The following PGF variants were observed in gnomAD, a reference collection of about 807,000 sequenced individuals.
PGF encodes placental growth factor.
In PGF, 11 loss-of-function variants were observed where a neutral mutation model predicts 25.3. The ratio of observed to expected loss-of-function variants is 0.43; its 90% confidence interval spans 0.27 to 0.72. The LOEUF is 0.72. PGF is among the 30% of genes least tolerant of loss of function. PGF has a pLI of 0.18. For synonymous variants in PGF, 105 were observed against 97.9 expected, an observed-to-expected ratio of 1.07 and a Z score of -0.43; for missense variants, 230 against 234.9, an observed-to-expected ratio of 0.98 and a Z score of 0.14.
rs953740209 is a variant in PGF, at chr14:74,955,175, G to A, written c.68C>T (p.Pro23Leu). Reference protein sequence around the residue: ...LLAGLALPAVPPQQWALSAGN... With the variant: ...LLAGLALPAVLPQQWALSAGN... ...GGTGGGGGTAGCTCTTACCTGGGGG[G>A]GCACAGCAGGCAGCGCCAGCCCGGC... The change falls in exon 1 of 7, where the codon CCC becomes CTC. Residue 23 changes from proline (P) to leucine (L), a missense_variant. By Grantham distance (98) the Pro-to-Leu change is moderately conservative. Coordinates refer to ENST00000555567, the MANE Select transcript of PGF (RefSeq NM_002632.6). This position sits in a 1 kb window ranked among gnomAD's most constrained non-coding sequence, Gnocchi z 4.1. 10 of 1,473,658 alleles carry A rather than the reference G, an allele frequency of 6.8e-6. No homozygotes were observed. The highest frequency in any genetic ancestry group is 8.2e-6 in the Non-Finnish European group (9 of 1,102,944). The allele number at this position is 1,473,658 out of a possible 1,614,324, so 91.3% of individuals were successfully genotyped here.
chr14:74,948,400 G>A (rs935875583), intron 4 of PGF, 107 bp downstream of exon 4: 19 of 610,458 alleles, frequency 3.1e-5, no homozygotes, highest in African/African-American at 7.6e-5. Context: ...AGTTCAGCCC[G>A]CAGCGGGGAT....
Position 74,942,701 on chromosome 14 carries a change from G to A in PGF, c.*5C>T. 4 of 1,612,420 alleles carry A rather than the reference G, an allele frequency of 2.5e-6. No homozygotes were observed. Among genetic ancestry groups the A allele is most frequent in the Non-Finnish European group, 2.5e-6 (3 of 1,179,288 alleles). On this transcript the variant is annotated 3_prime_UTR_variant, in exon 7 of 7. Coordinates refer to ENST00000555567, the MANE Select transcript of PGF (RefSeq NM_002632.6). ...GTGCGGGGTCTCTCTCCTCCAAGGG[G>A]TGGGTTACCTCCGGGGAACAGCATC...
rs968507009 is a variant in PGF, at chr14:74,953,512, C to A, written c.118+392G>T. Reference sequence around the variant, plus strand: ...TGGGCTGCTGGGGAGGGCCCCTCACCCATTCCTGATCCTCTTGACTGCCCA... The same window carrying A: ...TGGGCTGCTGGGGAGGGCCCCTCACACATTCCTGATCCTCTTGACTGCCCA... On this transcript the variant is annotated intron_variant, in intron 2 of 6. Transcript: ENST00000555567. The surrounding 1 kb of genome is among the most constrained non-coding windows in gnomAD (Gnocchi z 5.4). 6.6e-6 allele frequency among the ~76,000 whole-genome samples: 1 copy of A among 152,144 alleles called. No individual in the cohort carries two copies. The highest frequency in any genetic ancestry group is 1.5e-5 in the Non-Finnish European group (1 of 68,024).
rs61759386 is a variant in PGF, at chr14:74,946,426, G to C, written c.393-18C>G. 6.3e-7 allele frequency: 1 copy of C among 1,598,514 alleles called. No individual in the cohort carries two copies. Among genetic ancestry groups the C allele is most frequent in the Non-Finnish European group, 8.5e-7 (1 of 1,171,218 alleles). On this transcript the variant is annotated intron_variant, in intron 4 of 6. Transcript: ENST00000555567. ...GCAGAGGCCTAGGGAAACAGACAGAGAGAGGGGCAGAGGAACGTTAGGAAA... is the reference window on the plus strand; with the variant it reads ...GCAGAGGCCTAGGGAAACAGACAGACAGAGGGGCAGAGGAACGTTAGGAAA...
In PGF at chr14:74,953,998, C is replaced by G. The variant is rs1366560326; in HGVS notation, c.76-52G>C. 2 of 1,588,056 alleles carry G rather than the reference C, an allele frequency of 1.3e-6. No individual in the cohort carries two copies. Among genetic ancestry groups the G allele is most frequent in the Non-Finnish European group, 8.6e-7 (1 of 1,157,598 alleles). ...GCTGGGGGTACCTTGGAGCTCTGCACTCTTGGGCCAAGTGTGATGGCAAGA... is the reference window on the plus strand; with the variant it reads ...GCTGGGGGTACCTTGGAGCTCTGCAGTCTTGGGCCAAGTGTGATGGCAAGA... On this transcript the variant is annotated intron_variant, in intron 1 of 6. Transcript: ENST00000555567. The surrounding 1 kb of genome is among the most constrained non-coding windows in gnomAD (Gnocchi z 5.4).
chr14:74,952,023 G>C (rs1888883733), intron 2 of PGF, among the ~76,000 whole-genome samples: 2 of 152,244 alleles, frequency 1.3e-5, no homozygotes, highest in South Asian at 4.2e-4. Context: ...GTGGAGGTGA[G>C]AGCAACGGGA....
chr14:74,943,031 G>T (rs1888640360), intron 6 of PGF, among the ~76,000 whole-genome samples: 1 of 152,206 alleles, frequency 6.6e-6, no homozygotes, highest in Non-Finnish European at 1.5e-5. Flanking sequence ...GAGGCCCAGA[G>T]AGGTGAAGAA....
At position 74,950,520 on chromosome 14, in the gene PGF, T is replaced by C. The variant is rs1017991938; in HGVS notation, c.119-967A>G. On this transcript the variant is annotated intron_variant, in intron 2 of 6. Coordinates refer to ENST00000555567, the MANE Select transcript of PGF (RefSeq NM_002632.6). The surrounding 1 kb of genome is among the most constrained non-coding windows in gnomAD (Gnocchi z 4.1). The stretch of plus-strand genomic sequence containing the variant: ...ATCGTGAATGGGATCTTTTGGGGGC[T>C]GATCTGGAATCCCTCAAAAGATGCT... 6.6e-6 allele frequency among the ~76,000 whole-genome samples: 1 copy of C among 152,192 alleles called. No homozygotes were observed. Among genetic ancestry groups the C allele is most frequent in the African/African-American group, 2.4e-5 (1 of 41,444 alleles).
In PGF at chr14:74,950,596, G is replaced by A. The variant is rs866733074; in HGVS notation, c.119-1043C>T. On this transcript the variant is annotated intron_variant, in intron 2 of 6. Transcript: ENST00000555567. This position sits in a 1 kb window ranked among gnomAD's most constrained non-coding sequence, Gnocchi z 4.1. ...CAGGCCCCAAATAGAGGCTCACAGG[G>A]AGAGTGGCCAGAGTCAGACACCTGG... Among the ~76,000 whole-genome samples the A allele has an allele frequency of 6.6e-6, 1 of 152,196 alleles. No individual in the cohort carries two copies. The highest frequency in any genetic ancestry group is 6.5e-5 in the Admixed American group (1 of 15,284).
chr14:74,951,998 C>T (rs1888882677), intron 2 of PGF, among the ~76,000 whole-genome samples: 1 of 152,152 alleles, frequency 6.6e-6, no homozygotes, highest in South Asian at 2.1e-4. Context: ...GGCCCCAGAC[C>T]TGCTCCGGGA....
intron 6 of PGF, among the ~76,000 whole-genome samples, chr14:74,943,023 G>A (rs1888640147): frequency 6.6e-6 from 1 of 152,190 alleles, no homozygotes; most frequent in Admixed American, 6.5e-5. Context: ...AGGAAACTGA[G>A]GCCCAGAGAG....
In PGF at chr14:74,953,893, G is replaced by C; in HGVS notation, c.118+11C>G. On this transcript the variant is annotated intron_variant, in intron 2 of 6. Coordinates refer to ENST00000555567, the MANE Select transcript of PGF (RefSeq NM_002632.6). The surrounding 1 kb of genome is among the most constrained non-coding windows in gnomAD (Gnocchi z 5.4). ...TGGGGAGCATGCGTACCCCCAGCCT[G>C]GCCAGCTTACCTTCCACCTCTGACG... 3 of 1,613,556 alleles carry C rather than the reference G, an allele frequency of 1.9e-6. No individual in the cohort carries two copies. The highest frequency in any genetic ancestry group is 2.5e-6 in the Non-Finnish European group (3 of 1,179,700).
At position 74,942,367 on chromosome 14, in the gene PGF, A is replaced by T; in HGVS notation, c.*339T>A. The T allele has an allele frequency of 3.2e-6, 1 of 311,956 alleles. No homozygotes were observed. The highest frequency in any genetic ancestry group is 5.9e-6 in the Non-Finnish European group (1 of 168,074). 19.3% of individuals were successfully genotyped at this position (311,956 alleles called of 1,614,324 possible). A position where few individuals can be genotyped will look rare whatever the true frequency, so the allele number is the denominator to read the frequency against. On this transcript the variant is annotated 3_prime_UTR_variant, in exon 7 of 7. Coordinates refer to ENST00000555567, the MANE Select transcript of PGF (RefSeq NM_002632.6). ...TGTGCAGAGCCTGAGGCCCAAGAAC[A>T]GGTAGCAGGGCCCCCTTCTTTCCTT...
rs1301093356 is a variant in PGF, at chr14:74,950,527, G to T, written c.119-974C>A. Among the ~76,000 whole-genome samples the T allele has an allele frequency of 1.3e-5, 2 of 152,162 alleles. No homozygotes were observed. Among genetic ancestry groups the T allele is most frequent in the Admixed American group, 6.5e-5 (1 of 15,282 alleles). On this transcript the variant is annotated intron_variant, in intron 2 of 6. Coordinates refer to ENST00000555567, the MANE Select transcript of PGF (RefSeq NM_002632.6). This position sits in a 1 kb window ranked among gnomAD's most constrained non-coding sequence, Gnocchi z 4.1. Reference sequence around the variant, plus strand: ...ATGGGATCTTTTGGGGGCTGATCTGGAATCCCTCAAAAGATGCTGCTCTTT... The same window carrying T: ...ATGGGATCTTTTGGGGGCTGATCTGTAATCCCTCAAAAGATGCTGCTCTTT...
In PGF at chr14:74,948,536, C is replaced by T. The variant is rs779230823; in HGVS notation, c.363G>A (p.Thr121=). 4 of 1,602,640 alleles carry T rather than the reference C, an allele frequency of 2.5e-6. No homozygotes were observed. The highest frequency in any genetic ancestry group is 2.6e-6 in the Non-Finnish European group (3 of 1,171,340). ...ATTCGCAGCGAACGTGCTGAGAGAA[C>T]GTCAGCTCCACGTAGGAGGGCCGGT... ...SGDRPSYVEL[T]FSQHVRCECR... The change falls in exon 4 of 7, where the codon ACG becomes ACA. Residue 121 remains threonine, a synonymous_variant. Transcript: ENST00000555567.
At chr14:74,942,834 C>A in intron 6 of PGF, 101 bp from the exon 7 acceptor site, 1 of 1,149,186 alleles carries the variant, frequency 8.7e-7, no homozygotes, top group East Asian at 2.6e-5. Context: ...GGAGCTTGGG[C>A]AGGGAGCATG....
At chr14:74,954,924 ACCTC>A (rs935346985) in intron 1 of PGF, among the ~76,000 whole-genome samples, 23 of 149,868 alleles carry the variant, frequency 1.5e-4, no homozygotes, top group East Asian at 1.4e-3. Flanking sequence ...CAGACAGGAA[ACCTC>A]CCTCCCTCCC....
At chr14:74,946,168 C>T (rs772443645) in intron 6 of PGF, 45 bp downstream of exon 6, 20 of 1,588,852 alleles carry the variant, frequency 1.3e-5, no homozygotes, top group Non-Finnish European at 1.6e-5. Context: ...CGGGGCTCCC[C>T]TCGGGCCCAG....
intron 2 of PGF, among the ~76,000 whole-genome samples, chr14:74,952,878 G>A (rs1230045334): frequency 1.3e-5 from 2 of 152,220 alleles, no homozygotes; most frequent in African/African-American, 4.8e-5. Context: ...TTTTACAGAT[G>A]AGAAAACTGA....
Sources: allele counts gnomAD v4.1 joint callset (sites outside exome capture counted in the v4.1 genomes callset), GRCh38; gene constraint gnomAD v4.1.1; non-coding constraint Gnocchi (gnomAD v3.1); transcripts MANE v1.5; gene names NCBI Gene and HGNC (gene_info 2026-07-23, HGNC 2026-07-21).